Variants in GAR1 observed in about 807,000 individuals in gnomAD.
GAR1 encodes H/ACA ribonucleoprotein complex subunit 1.
A neutral mutation model predicts 29.3 loss-of-function variants in GAR1; 11 were observed. The ratio of observed to expected loss-of-function variants is 0.38; its 90% CI spans 0.24 to 0.62. GAR1 has a LOEUF of 0.62. GAR1 is among the 20% of genes least tolerant of loss of function. GAR1 has a pLI of 0.62. For synonymous variants in GAR1, 87 were observed against 93.3 expected (o/e 0.93, Z 0.39); for missense variants, 237 against 268.4 (o/e 0.88, Z 0.82).
rs1579350156 is a variant in GAR1 at position 109,815,765 on chromosome 4, T to G, written c.-52T>G. 3 of 192,598 alleles carry G rather than the reference T, an allele frequency of 1.6e-5. No individual in the cohort carries two copies. The highest frequency in any genetic ancestry group is 1.1e-4 in the South Asian group (1 of 9,136). The allele number at this position is 192,598 out of a possible 1,614,324, so 11.9% of individuals were successfully genotyped here. ...GCGGCGGAAGTACCCCGCGGGTGGG[T>G]GTGTGCGCAAGGCCAGGGCCAGAGG... On this transcript the variant is annotated 5_prime_UTR_variant, in exon 1 of 7. Transcript: ENST00000226796.
At chr4:109,822,285 C>A in intron 4 of GAR1, 62 bp from the exon 5 acceptor site, 1 of 998,220 alleles carries the variant, frequency 1.0e-6, no homozygotes, top group Non-Finnish European at 1.5e-6. Context: ...CATGTAGCTT[C>A]TTAATGATTA....
intron 4 of GAR1, among the ~76,000 whole-genome samples, chr4:109,821,846 A>G (rs1029149257): frequency 9.2e-5 from 14 of 152,114 alleles, no homozygotes; most frequent in African/African-American, 3.1e-4. Context: ...TAGATACTCT[A>G]TTCTCTACAT....
intron 1 of GAR1, 102 bp from the exon 2 acceptor site, chr4:109,816,051 G>A: frequency 1.8e-6 from 2 of 1,132,160 alleles, no homozygotes; most frequent in Non-Finnish European, 2.7e-6. Flanking sequence ...TGACAGGGCT[G>A]CTTTTGTCTC....
chr4:109,821,206 A>T (rs557328806), intron 4 of GAR1, among the ~76,000 whole-genome samples: 1 of 152,344 alleles, frequency 6.6e-6, no homozygotes, highest in East Asian at 1.9e-4. Context: ...GCTCTTAGCC[A>T]CATGTAGCTA....
At chr4:109,824,134 A>G (rs1470742240) in intron 6 of GAR1, 101 bp downstream of exon 6, 1 of 803,360 alleles carries the variant, frequency 1.2e-6, no homozygotes, top group East Asian at 2.5e-5. Context: ...GCCAGCAAGT[A>G]TATAGAACAC....
At chr4:109,823,900 TAATG>T in intron 5 of GAR1, 61 bp from the exon 6 acceptor site, 2 of 1,035,144 alleles carry the variant, frequency 1.9e-6, no homozygotes, top group Non-Finnish European at 3.0e-6. Context: ...GTTAATAACT[TAATG>T]ATTATTATAT....
intron 1 of GAR1, 129 bp from the exon 2 acceptor site, chr4:109,816,024 T>G (rs1414242552): frequency 2.1e-5 from 19 of 887,588 alleles, no homozygotes; most frequent in South Asian, 2.8e-5. Context: ...TCACTGGCTG[T>G]CTGACCGTGG....
Position 109,822,484 on chromosome 4 carries a change from A to G in GAR1, c.567A>G (p.Arg189=). 6.3e-7 allele frequency: 1 copy of G among 1,595,698 alleles called. No homozygotes were observed. Among genetic ancestry groups the G allele is most frequent in the African/African-American group, 1.4e-5 (1 of 73,776 alleles). Residue 189 remains arginine (R), a synonymous_variant, in exon 5 of 7, where the codon AGA becomes AGG. Coordinates refer to ENST00000226796, the MANE Select transcript of GAR1 (RefSeq NM_018983.4). ...GRGGGGRGGG[R]GGGFRGGRGG... ...GAGGAGGTGGCAGAGGTGGTGGCAG[A>G]GGCGGTAAGTTACTTGGGGAAAATT...
At chr4:109,820,236 TA>T (rs942142119) in intron 4 of GAR1, among the ~76,000 whole-genome samples, 3 of 151,904 alleles carry the variant, frequency 2.0e-5, no homozygotes, top group African/African-American at 7.3e-5. Flanking sequence ...ATTGAAGAAG[TA>T]AAAAAATCAC....
At chr4:109,816,509 TC>T (rs1733357587) in intron 2 of GAR1, 131 bp downstream of exon 2, 1 of 848,116 alleles carries the variant, frequency 1.2e-6, no homozygotes, top group African/African-American at 1.7e-5. Flanking sequence ...AGTGGGGAGA[TC>T]AAGAAAGCTG....
In GAR1 at chr4:109,820,796, G is replaced by A. The variant is rs145263393; in HGVS notation, c.430-1551G>A. Among the ~76,000 whole-genome samples the A allele has an allele frequency of 2.0e-4, 30 of 152,184 alleles. No individual in the cohort carries two copies. In the East Asian group the frequency reaches 5.6e-3, roughly 28 times the overall value. On this transcript the variant is annotated intron_variant, in intron 4 of 6. Transcript: ENST00000226796. The stretch of plus-strand genomic sequence containing the variant: ...AGACAATAGCTTGTTGTCAGCATAT[G>A]GCTACTAGTTGTAGAAACCTTGGCA...
At chr4:109,819,189 C>T (rs766586565) in intron 4 of GAR1, 129 bp downstream of exon 4, 1 of 731,034 alleles carries the variant, frequency 1.4e-6, no homozygotes, top group Non-Finnish European at 2.5e-6. Flanking sequence ...TTGAAATGTT[C>T]CATGCTATAA....
Sources: allele counts gnomAD v4.1 joint callset (sites outside exome capture counted in the v4.1 genomes callset), GRCh38; gene constraint gnomAD v4.1.1; transcripts MANE v1.5; gene names NCBI Gene and HGNC (gene_info 2026-07-23, HGNC 2026-07-21).